Variants in SLC4A1 observed in about 807,000 individuals in gnomAD.
SLC4A1 encodes the protein band 3 anion transport protein.
SLC4A1 carries 29 observed loss-of-function variants against 93.1 expected under a neutral mutation model. The ratio of observed to expected loss-of-function variants is 0.31; its 90% CI spans 0.23 to 0.42. The LOEUF (loss-of-function observed/expected upper bound fraction) is 0.42. SLC4A1 is among the 20% of genes least tolerant of loss of function. The pLI is 1.00. For synonymous variants in SLC4A1, 469 were observed against 497.2 expected (o/e 0.94, Z 0.76); for missense variants, 965 against 1,190.1 (o/e 0.81, Z 2.78).
chr17:44,264,741 G>A (rs565208664), intron 1 of SLC4A1, among the ~76,000 whole-genome samples: 2 of 152,232 alleles, frequency 1.3e-5, no homozygotes, highest in Admixed American at 6.5e-5. Flanking sequence ...TGAGCTCGGG[G>A]TCTCAGTTTT....
intron 1 of SLC4A1, among the ~76,000 whole-genome samples, chr17:44,266,266 T>G (rs1598305452): frequency 1.3e-5 from 2 of 152,292 alleles, no homozygotes; most frequent in South Asian, 2.1e-4. Context: ...TCTCCCAAAG[T>G]TCCTCTTTCT....
rs780866175 is a variant in SLC4A1, at chr17:44,262,622, G to A, written c.106+14C>T. On this transcript the variant is annotated intron_variant, in intron 3 of 19. Coordinates refer to ENST00000262418, the MANE Select transcript of SLC4A1 (RefSeq NM_000342.4). ...CAGCAGCTCATCCCAGCTGAGGGAG[G>A]GAGAGGGGCTCACCTGCCGGCTCCT... is the stretch of plus-strand genomic sequence containing the variant. 6.3e-7 allele frequency: 1 copy of A among 1,596,312 alleles called. No individual in the cohort carries two copies. The highest frequency in any genetic ancestry group is 1.7e-5 in the Admixed American group (1 of 58,630).
chr17:44,259,671 C>A (rs2047424115), intron 7 of SLC4A1, 90 bp from the exon 8 acceptor site: 2 of 1,534,840 alleles, frequency 1.3e-6, no homozygotes, highest in Non-Finnish European at 1.8e-6. Flanking sequence ...CGCTTCCCAA[C>A]TCTCCTGGCA....
At chr17:44,251,735 T>TG (rs2047344084) in intron 17 of SLC4A1, 147 bp from the exon 18 acceptor site, 2 of 625,182 alleles carry the variant, frequency 3.2e-6, no homozygotes, top group Non-Finnish European at 5.3e-6. Flanking sequence ...TTTTTTTTTT[T>TG]TTTTGTTTTT....
At position 44,258,089 on chromosome 17, in the gene SLC4A1, G is replaced by A. The variant is rs2047406551; in HGVS notation, c.1179C>T (p.Tyr393=). The change falls in exon 11 of 20, where the codon TAC becomes TAT. Residue 393 remains tyrosine, a synonymous_variant. Transcript: ENST00000262418. The surrounding 1 kb of genome is among the most constrained non-coding windows in gnomAD (Gnocchi z 6.1). ...VRDIRRRYPY[Y]LSDITDAFSP... ...TGAATGCATCTGTGATGTCACTCAG[G>A]TAATAGGGGTAGCGGCGCCGGATAT... 6.2e-7 allele frequency: 1 copy of A among 1,614,150 alleles called. No individual in the cohort carries two copies. The highest frequency in any genetic ancestry group is 8.5e-7 in the Non-Finnish European group (1 of 1,180,032).
At chr17:44,262,603 C>T (rs1162190092) in intron 3 of SLC4A1, 33 bp downstream of exon 3, 7 of 1,522,374 alleles carry the variant, frequency 4.6e-6, no homozygotes, top group African/African-American at 2.7e-5. Context: ...GGCTCAGCAG[C>T]TCATCCCAGC....
In SLC4A1 at chr17:44,258,121, C is replaced by G. The variant is rs745866076; in HGVS notation, c.1147G>C (p.Val383Leu). 68 of 1,614,052 alleles carry G rather than the reference C, an allele frequency of 4.2e-5. No individual in the cohort carries two copies. In the South Asian group the frequency reaches 4.7e-4, roughly 11 times the overall value. The change falls in exon 11 of 20, where the codon GTG becomes CTG. Residue 383 changes from valine (V) to leucine (L), a missense_variant. Val to Leu is a conservative substitution (Grantham distance 32, BLOSUM62 1). Transcript: ENST00000262418. The surrounding 1 kb of genome is among the most constrained non-coding windows in gnomAD (Gnocchi z 6.1). ...GGGTAGCGGCGCCGGATATCACGCA[C>G]CAGGCCCCCGAAGAGCTGGCCTGTC... is the stretch of plus-strand genomic sequence containing the variant. ...QQTGQLFGGL[V>L]RDIRRRYPYY...
At chr17:44,250,863 G>A (rs796743867) in intron 19 of SLC4A1, among the ~76,000 whole-genome samples, 6 of 152,092 alleles carry the variant, frequency 3.9e-5, no homozygotes, top group African/African-American at 7.2e-5. Context: ...CAAATGACTC[G>A]GAAGACGGCA....
chr17:44,259,579 T>A lies in SLC4A1; in HGVS notation c.612A>T (p.Gly204=). The A allele has an allele frequency of 6.2e-7, 1 of 1,613,020 alleles. No homozygotes were observed. Among genetic ancestry groups the A allele is most frequent in the East Asian group, 2.2e-5 (1 of 44,862 alleles). ...SLETQLFCEQ[G]DGGTEGHSPS... ...GTGAGTGCCCTTCTGTGCCCCCATC[T>A]CCCTGTGGGAAGGAGGGTGGTGACG... Residue 204 remains glycine, a splice_region_variant and synonymous_variant, in exon 8 of 20, where the codon GGA becomes GGT. Coordinates refer to ENST00000262418, the MANE Select transcript of SLC4A1 (RefSeq NM_000342.4).
chr17:44,255,379 G>A, intron 14 of SLC4A1, 83 bp from the exon 15 acceptor site: 1 of 1,051,006 alleles, frequency 9.5e-7, no homozygotes, highest in South Asian at 1.4e-5. Flanking sequence ...TTCACCCACG[G>A]GGCCCTGCTC....
rs759802639 is a variant in SLC4A1 at position 44,257,977 on chromosome 17, G to A, written c.1282+9C>T. 1.2e-6 allele frequency: 2 copies of A among 1,613,990 alleles called. No individual in the cohort carries two copies. The highest frequency in any genetic ancestry group is 1.7e-6 in the Non-Finnish European group (2 of 1,179,928). ...GGCAAGAGTTAGGGAGACAGGTATT[G>A]GCACTGACCCAGGAGGCCGCCGAAG... is the stretch of plus-strand genomic sequence containing the variant. On this transcript the variant is annotated intron_variant, in intron 11 of 19. Coordinates refer to ENST00000262418, the MANE Select transcript of SLC4A1 (RefSeq NM_000342.4).
chr17:44,259,996 G>C, intron 6 of SLC4A1, 64 bp from the exon 7 acceptor site: 1 of 1,601,412 alleles, frequency 6.2e-7, no homozygotes, highest in South Asian at 1.1e-5. Context: ...AGTGGTGGGA[G>C]GGATCAAGGG....
In SLC4A1 at chr17:44,259,405, A is replaced by G. The variant is rs527976563; in HGVS notation, c.695-61T>C. 4.2e-5 allele frequency: 67 copies of G among 1,608,312 alleles called. 1 individual carries two copies. In the East Asian group the frequency reaches 8.7e-4, roughly 21 times the overall value. On this transcript the variant is annotated intron_variant, in intron 8 of 19. Transcript: ENST00000262418. The stretch of plus-strand genomic sequence containing the variant: ...AGCCCAGGGTGGGTGTGCTGAAGAG[A>G]TGGGGCTGCGGGGGTCCAGGCTGAG...
chr17:44,251,138 C>G (rs2047334836), intron 19 of SLC4A1, 21 bp downstream of exon 19: 1 of 1,578,626 alleles, frequency 6.3e-7, no homozygotes, highest in Non-Finnish European at 8.6e-7. Flanking sequence ...TCTTGTGCCC[C>G]AGGCCCAGGC....
At chr17:44,257,839 CAGG>C (rs1411642947) in intron 11 of SLC4A1, 32 bp from the exon 12 acceptor site, 17 of 1,612,876 alleles carry the variant, frequency 1.1e-5, no homozygotes, top group Non-Finnish European at 1.4e-5. Flanking sequence ...GGATCAAGGT[CAGG>C]AGATCATTTC....
intron 1 of SLC4A1, among the ~76,000 whole-genome samples, chr17:44,263,721 C>T (rs984266314): frequency 3.4e-5 from 5 of 145,620 alleles, no homozygotes; most frequent in African/African-American, 1.4e-4. Flanking sequence ...TTCCTTCCTT[C>T]CTTCCTTCCT....
At chr17:44,266,766 C>G (rs539803071) in intron 1 of SLC4A1, among the ~76,000 whole-genome samples, 281 of 152,234 alleles carry the variant, frequency 1.8e-3, no homozygotes, top group African/African-American at 6.2e-3. Context: ...TGGAAGTGCA[C>G]CAAACACCTG....
At position 44,250,411 on chromosome 17, in the gene SLC4A1, TG is replaced by T; in HGVS notation, c.*46del. The T allele has an allele frequency of 6.9e-7, 1 of 1,452,148 alleles. No individual in the cohort carries two copies. Among genetic ancestry groups the T allele is most frequent in the Non-Finnish European group, 9.7e-7 (1 of 1,033,344 alleles). The allele number at this position is 1,452,148 out of a possible 1,614,324, so 90.0% of individuals were successfully genotyped here. ...TGAACTTCTGCTTTTCCTTGGAAGG[TG>T]GGGATGTGGAATGGTGGGGGAGGGT... On this transcript the variant is annotated 3_prime_UTR_variant, in exon 20 of 20. Coordinates refer to ENST00000262418, the MANE Select transcript of SLC4A1 (RefSeq NM_000342.4).
Position 44,258,105 on chromosome 17 carries a change from C to T in SLC4A1, c.1163G>A (p.Arg388His), listed in dbSNP as rs760404726. Residue 388 changes from arginine to histidine, a missense_variant, in exon 11 of 20, where the codon CGC becomes CAC. Physicochemically the swap from Arg to His is conservative, Grantham distance 29 (BLOSUM62 0). Around this residue, in one of 2 missense-constraint regions of SLC4A1, gnomAD observed 770 missense variants for 1,006.6 expected, o/e 0.76. Coordinates refer to ENST00000262418, the MANE Select transcript of SLC4A1 (RefSeq NM_000342.4). This position sits in a 1 kb window ranked among gnomAD's most constrained non-coding sequence, Gnocchi z 6.1. ...LFGGLVRDIRRRYPYYLSDIT... is the reference protein window; with the variant it reads ...LFGGLVRDIRHRYPYYLSDIT... Reference sequence around the variant, plus strand: ...GTCACTCAGGTAATAGGGGTAGCGGCGCCGGATATCACGCACCAGGCCCCC... The same window carrying T: ...GTCACTCAGGTAATAGGGGTAGCGGTGCCGGATATCACGCACCAGGCCCCC... 10 of 1,613,898 alleles carry T rather than the reference C, an allele frequency of 6.2e-6. No individual in the cohort carries two copies. In the South Asian group the frequency reaches 7.7e-5, roughly 12 times the overall value.
Sources: gnomAD v4.1 joint callset for allele counts (sites outside exome capture counted in the v4.1 genomes callset) on GRCh38, gnomAD v4.1.1 for gene constraint, gnomAD v4.1.1 regional missense constraint, Gnocchi (gnomAD v3.1) non-coding constraint, MANE v1.5 for transcripts, NCBI Gene and HGNC (gene_info 2026-07-23, HGNC 2026-07-21) for gene names.